Variants in FHIT observed in about 807,000 individuals in gnomAD.
The protein encoded by FHIT is bis(5'-adenosyl)-triphosphatase.
FHIT carries 19 observed loss-of-function variants against 17.9 expected under a neutral mutation model. The observed-to-expected ratio is 1.06, with a 90% CI of 0.74 to 1.56. The LOEUF (loss-of-function observed/expected upper bound fraction) is 1.56, where lower values mean the gene tolerates loss of function less well. Ranked by LOEUF, FHIT falls within the 40% of genes most tolerant of loss-of-function variation. The pLI, the probability that FHIT is intolerant of heterozygous loss-of-function variation, is 0.00. For missense variants in FHIT, 248 were observed against 189.2 expected (o/e 1.31, Z -1.82); for synonymous variants, 81 against 69.7 (o/e 1.16, Z -0.81).
At chr3:60,469,282 C>G (rs2032958938) in intron 5 of FHIT, among the ~76,000 whole-genome samples, 1 of 152,052 alleles carries the variant, frequency 6.6e-6, no homozygotes, top group South Asian at 2.1e-4. Flanking sequence ...AGGCCAATAA[C>G]TCTTAGATTG....
intron 3 of FHIT, among the ~76,000 whole-genome samples, chr3:60,889,265 C>T (rs1553760033): frequency 6.6e-6 from 1 of 152,180 alleles, no homozygotes; most frequent in Non-Finnish European, 1.5e-5. Context: ...AGGGGAACGA[C>T]ACGGCAGCAG....
chr3:60,407,376 A>G (rs1237876769), intron 5 of FHIT, among the ~76,000 whole-genome samples: 1 of 152,082 alleles, frequency 6.6e-6, no homozygotes, highest in Non-Finnish European at 1.5e-5. Context: ...CCCAAAAGAT[A>G]AGTAATTGAA....
At chr3:60,072,909 G>A (rs1576032712) in intron 5 of FHIT, among the ~76,000 whole-genome samples, 2 of 152,232 alleles carry the variant, frequency 1.3e-5, no homozygotes, top group South Asian at 4.1e-4. Flanking sequence ...CTCCTTCTCT[G>A]GACCCCACAC....
intron 4 of FHIT, among the ~76,000 whole-genome samples, chr3:60,707,643 G>A (rs1374422256): frequency 2.6e-5 from 4 of 152,110 alleles, no homozygotes; most frequent in African/African-American, 9.7e-5. Flanking sequence ...GTCTCTTCTG[G>A]AAGTGCCAAT....
chr3:61,091,016 T>C (rs1026519441), intron 2 of FHIT, among the ~76,000 whole-genome samples: 8 of 152,228 alleles, frequency 5.3e-5, no homozygotes, highest in African/African-American at 1.7e-4. Flanking sequence ...CATTATCTTC[T>C]GTGGTTTAAA....
chr3:60,459,121 T>C (rs1177124777), intron 5 of FHIT, among the ~76,000 whole-genome samples: 1 of 152,154 alleles, frequency 6.6e-6, no homozygotes, highest in Non-Finnish European at 1.5e-5. Context: ...TTTTTTATAA[T>C]GTGTTTAGAT....
intron 7 of FHIT, among the ~76,000 whole-genome samples, chr3:59,946,101 A>C (rs1029494803): frequency 1.3e-5 from 2 of 152,224 alleles, no homozygotes; most frequent in Non-Finnish European, 2.9e-5. Context: ...GACAGAATCT[A>C]TAAATTGCTT....
intron 8 of FHIT, among the ~76,000 whole-genome samples, chr3:59,809,565 A>G (rs1559625398): frequency 6.6e-6 from 1 of 152,158 alleles, no homozygotes; most frequent in Admixed American, 6.5e-5. Flanking sequence ...GTACAACCCT[A>G]TTTGAAACAT....
chr3:60,512,413 C>G (rs79775254), intron 5 of FHIT, among the ~76,000 whole-genome samples: 6,817 of 152,274 alleles, frequency 0.045, 296 homozygotes, highest in African/African-American at 0.11. Flanking sequence ...TGTCAGCTTA[C>G]TTACTTCTGA....
chr3:59,952,428 C>G (rs181593181), intron 7 of FHIT, among the ~76,000 whole-genome samples: 5 of 139,372 alleles, frequency 3.6e-5, no homozygotes, highest in Non-Finnish European at 6.2e-5. Flanking sequence ...TCTGTGGAGT[C>G]TCCTCCCTCT....
In FHIT at chr3:60,522,106, GT is replaced by G. The variant is rs372184170; in HGVS notation, c.103+14753del. 4.1e-3 allele frequency among the ~76,000 whole-genome samples: 541 copies of G among 133,310 alleles called. 3 individuals are homozygous for G. The highest frequency in any genetic ancestry group is 0.013 in the African/African-American group (478 of 35,916). The allele number at this position is 133,310 out of a possible 152,430, so 87.5% of individuals were successfully genotyped here. A position where few individuals can be genotyped will look rare whatever the true frequency, so the allele number is the denominator to read the frequency against. On this transcript the variant is annotated intron_variant, in intron 5 of 9. Transcript: ENST00000492590. ...AAAGAAACAGCAACAGCAACCAGAA[GT>G]TTTTTTTTTTTTTTTTTCTGACACA...
intron 5 of FHIT, among the ~76,000 whole-genome samples, chr3:60,325,416 A>T (rs1709647462): frequency 6.6e-6 from 1 of 152,228 alleles, no homozygotes; most frequent in Admixed American, 6.5e-5. Flanking sequence ...CTGTCAGCAT[A>T]ACCTAAGACA....
chr3:60,504,147 A>AT lies in FHIT; in HGVS notation c.103+32712dup, dbSNP rs200074603. On this transcript the variant is annotated intron_variant, in intron 5 of 9. Coordinates refer to ENST00000492590, the MANE Select transcript of FHIT (RefSeq NM_002012.4). Reference sequence around the variant, plus strand: ...ACCAATGTCAGTCACACTTAAAAAGATTTTTTGGCCGGGCAGCGTGCCTCA... The same window carrying AT: ...ACCAATGTCAGTCACACTTAAAAAGATTTTTTTGGCCGGGCAGCGTGCCTCA... Among the ~76,000 whole-genome samples the AT allele has an allele frequency of 4.2e-4, 64 of 152,254 alleles. No individual in the cohort carries two copies. In the East Asian group the frequency reaches 0.012, roughly 29 times the overall value.
chr3:60,895,686 CTT>C (rs1424408843), intron 3 of FHIT, among the ~76,000 whole-genome samples: 2 of 92,108 alleles, frequency 2.2e-5, no homozygotes, highest in Non-Finnish European at 5.5e-5. Flanking sequence ...TTCTTTCTTT[CTT>C]TCTTTCTTTC....
At chr3:60,564,273 T>C (rs1331416280) in intron 4 of FHIT, among the ~76,000 whole-genome samples, 1 of 152,170 alleles carries the variant, frequency 6.6e-6, no homozygotes, top group Non-Finnish European at 1.5e-5. Flanking sequence ...GGAAAAAACA[T>C]TCTTTTCCAA....
intron 2 of FHIT, among the ~76,000 whole-genome samples, chr3:61,048,706 T>C (rs187312272): frequency 2.6e-5 from 4 of 152,142 alleles, no homozygotes; most frequent in East Asian, 1.9e-4. Flanking sequence ...CGATTCACAA[T>C]AGCAAAGACC....
intron 3 of FHIT, among the ~76,000 whole-genome samples, chr3:60,842,975 TG>T (rs1274252652): frequency 2.0e-5 from 3 of 152,166 alleles, no homozygotes; most frequent in Non-Finnish European, 4.4e-5. Context: ...GGCATCTTTC[TG>T]ATATATCAGA....
At chr3:60,887,373 G>A (rs1299520411) in intron 3 of FHIT, among the ~76,000 whole-genome samples, 3 of 152,100 alleles carry the variant, frequency 2.0e-5, no homozygotes, top group Non-Finnish European at 2.9e-5. Context: ...AGCCAGACAC[G>A]GTGCCTTACG....
At chr3:60,609,849 T>C (rs1553672802) in intron 4 of FHIT, among the ~76,000 whole-genome samples, 1 of 152,166 alleles carries the variant, frequency 6.6e-6, no homozygotes. Context: ...CTCAACAATA[T>C]ACTGCATACC....
Sources: allele counts gnomAD v4.1 joint callset (sites outside exome capture counted in the v4.1 genomes callset), GRCh38; gene constraint gnomAD v4.1.1; transcripts MANE v1.5; gene names NCBI Gene and HGNC (gene_info 2026-07-23, HGNC 2026-07-21).